GLT1D1: variants seen among roughly 807,000 people sequenced by gnomAD.
GLT1D1 encodes glycosyltransferase 1 domain-containing protein 1.
Under a neutral mutation model 28.7 loss-of-function variants are expected in GLT1D1, and 21 were observed. The ratio of observed to expected loss-of-function variants is 0.73; its 90% CI spans 0.52 to 1.05. GLT1D1 has a LOEUF of 1.05. Among genes scored for constraint, GLT1D1 ranks in the 50% least tolerant of loss-of-function variants. The pLI, the probability that GLT1D1 is intolerant of heterozygous loss-of-function variation, is 0.00. For missense variants in GLT1D1, 343 were observed against 330.6 expected, an observed-to-expected ratio of 1.04 and a Z score of -0.29; for synonymous variants, 147 against 124.8, an observed-to-expected ratio of 1.18 and a Z score of -1.19.
intron 6 of GLT1D1, among the ~76,000 whole-genome samples, chr12:128,950,072 T>C (rs758967397): frequency 1.3e-5 from 2 of 151,968 alleles, no homozygotes; most frequent in Non-Finnish European, 2.9e-5. Context: ...TGTCTGTAAG[T>C]GTTTGTAAGT....
At chr12:128,858,943 C>T (rs537588898) in intron 1 of GLT1D1, among the ~76,000 whole-genome samples, 32 of 152,272 alleles carry the variant, frequency 2.1e-4, no homozygotes, top group African/African-American at 6.0e-4. Context: ...TTAAATTGAC[C>T]TATAGCTTGG....
At chr12:128,928,129 ATAT>A (rs1167113680) in intron 4 of GLT1D1, among the ~76,000 whole-genome samples, 1 of 152,086 alleles carries the variant, frequency 6.6e-6, no homozygotes, top group African/African-American at 2.4e-5. Flanking sequence ...CATAAGGCAA[ATAT>A]TATGTGTGAT....
intron 1 of GLT1D1, among the ~76,000 whole-genome samples, chr12:128,857,639 C>T (rs1490577760): frequency 2.6e-5 from 4 of 152,112 alleles, no homozygotes; most frequent in African/African-American, 7.2e-5. Context: ...GGATGTTCTC[C>T]TCCAAAATCT....
At chr12:128,865,822 G>C (rs77952458) in intron 1 of GLT1D1, among the ~76,000 whole-genome samples, 1 of 151,384 alleles carries the variant, frequency 6.6e-6, no homozygotes, top group Non-Finnish European at 1.5e-5. Flanking sequence ...ACTCTGCCAC[G>C]AAAACAAAAC....
chr12:128,908,351 T>TCC (rs1284657370), intron 4 of GLT1D1, among the ~76,000 whole-genome samples: 19 of 39,756 alleles, frequency 4.8e-4, no homozygotes, highest in African/African-American at 1.1e-3. Flanking sequence ...TCTTTCCCTT[T>TCC]CTTTCTTTCT....
In GLT1D1 at chr12:128,913,827, G is replaced by A. The variant is rs145391914; in HGVS notation, c.375+14540G>A. ...ACAGCGTCTACCACCTCCACCCTGC[G>A]CATTTTGAAGTGCGTTTAACCTCTT... On this transcript the variant is annotated intron_variant, in intron 4 of 7. Transcript: ENST00000281703. 4.5e-3 allele frequency among the ~76,000 whole-genome samples: 690 copies of A among 152,320 alleles called. 8 individuals are homozygous for A. Among genetic ancestry groups the A allele is most frequent in the African/African-American group, 0.015 (621 of 41,568 alleles).
intron 3 of GLT1D1, among the ~76,000 whole-genome samples, chr12:128,897,703 C>T (rs906282641): frequency 1.3e-5 from 2 of 152,074 alleles, no homozygotes; most frequent in African/African-American, 4.8e-5. Flanking sequence ...GAGTCTCGCT[C>T]TGTTGCCCAG....
At chr12:128,935,984 G>A (rs1213661522) in intron 4 of GLT1D1, among the ~76,000 whole-genome samples, 1 of 152,014 alleles carries the variant, frequency 6.6e-6, no homozygotes, top group Non-Finnish European at 1.5e-5. Context: ...ACCTGGGTGC[G>A]CAGGACTTAA....
chr12:128,968,856 A>C (rs1012421816), intron 7 of GLT1D1, among the ~76,000 whole-genome samples: 5 of 151,912 alleles, frequency 3.3e-5, no homozygotes, highest in Admixed American at 3.3e-4. Flanking sequence ...ACTGGGTCTG[A>C]CTGCAGAGCC....
intron 4 of GLT1D1, chr12:128,912,448 G>A (rs1343192418): frequency 3.3e-6 from 5 of 1,521,106 alleles, no homozygotes; most frequent in Non-Finnish European, 4.4e-6. Flanking sequence ...TAAGGTCTAT[G>A]TCCAGAGTCA....
chr12:128,977,731 C>A (rs1011764825), intron 7 of GLT1D1, among the ~76,000 whole-genome samples: 1 of 150,834 alleles, frequency 6.6e-6, no homozygotes, highest in Non-Finnish European at 1.5e-5. Flanking sequence ...GAGTTTTTAG[C>A]GTCTGCCCTC....
At chr12:128,874,867 T>C (rs1151343) in intron 1 of GLT1D1, among the ~76,000 whole-genome samples, 1,620 of 152,320 alleles carry the variant, frequency 0.011, 33 homozygotes, top group African/African-American at 0.038. Flanking sequence ...CAGATGAGCC[T>C]TTTTCTATAG....
intron 4 of GLT1D1, 66 bp from the exon 8 acceptor site, chr12:128,927,039 G>A: frequency 9.4e-7 from 1 of 1,067,848 alleles, no homozygotes; most frequent in East Asian, 2.6e-5. Context: ...ATTGAAGTTA[G>A]TTGTGCTTGC....
At chr12:128,942,119 T>G (rs1875360168) in intron 4 of GLT1D1, among the ~76,000 whole-genome samples, 1 of 151,774 alleles carries the variant, frequency 6.6e-6, no homozygotes. Context: ...GGTCATTTAT[T>G]AGAACACAGT....
At chr12:128,971,056 C>T (rs1321209334) in intron 7 of GLT1D1, among the ~76,000 whole-genome samples, 1 of 150,936 alleles carries the variant, frequency 6.6e-6, no homozygotes, top group Non-Finnish European at 1.5e-5. Context: ...TTTAACTGCT[C>T]TCATTTCTTT....
intron 7 of GLT1D1, among the ~76,000 whole-genome samples, chr12:128,972,834 T>C (rs1307443902): frequency 6.6e-6 from 1 of 152,212 alleles, no homozygotes; most frequent in East Asian, 1.9e-4. Context: ...GTGTATCACT[T>C]AGTGTTTCGC....
chr12:128,859,353 C>T (rs1368377225), intron 1 of GLT1D1, among the ~76,000 whole-genome samples: 3 of 152,184 alleles, frequency 2.0e-5, no homozygotes, highest in African/African-American at 7.2e-5. Context: ...CTTCACAGCA[C>T]AGAATCCTGT....
intron 7 of GLT1D1, among the ~76,000 whole-genome samples, chr12:128,970,260 C>T (rs778787631): frequency 3.3e-5 from 5 of 152,176 alleles, no homozygotes; most frequent in African/African-American, 9.7e-5. Context: ...GTTGCAGGTG[C>T]GTGCACAAGC....
chr12:128,942,738 T>C (rs1240611015), intron 4 of GLT1D1, among the ~76,000 whole-genome samples: 1 of 99,762 alleles, frequency 1.0e-5, no homozygotes, highest in Non-Finnish European at 2.0e-5. Context: ...TTTCTTTGTT[T>C]GTTTGTTTTT....
Sources: allele counts gnomAD v4.1 joint callset (sites outside exome capture counted in the v4.1 genomes callset), GRCh38; gene constraint gnomAD v4.1.1; transcripts MANE v1.5; gene names NCBI Gene and HGNC (gene_info 2026-07-23, HGNC 2026-07-21).